PCDH15: variants seen among roughly 807,000 people sequenced by gnomAD.
PCDH15 encodes the protein protocadherin-15.
PCDH15 carries 129 observed loss-of-function variants against 178.5 expected under a neutral mutation model. The observed-to-expected ratio is 0.72, with a 90% CI of 0.63 to 0.84. The LOEUF is 0.84. Among genes scored for constraint, PCDH15 ranks in the 40% least tolerant of loss-of-function variants. The probability of loss-of-function intolerance (pLI) is 0.00; values close to 1 mark genes in which losing one functional copy is unlikely to be tolerated. For synonymous variants in PCDH15, 800 were observed against 732.0 expected (o/e 1.09, Z -1.50); for missense variants, 2,230 against 2,099.9 (o/e 1.06, Z -1.21).
At chr10:54,866,200 A>C in intron 3 of PCDH15, among the ~76,000 whole-genome samples, 1 of 152,350 alleles carries the variant, frequency 6.6e-6, no homozygotes, top group South Asian at 2.1e-4. Flanking sequence ...TTAGAACTTT[A>C]ATTCAAAGGA....
At chr10:54,822,101 A>T in intron 3 of PCDH15, among the ~76,000 whole-genome samples, 1 of 152,220 alleles carries the variant, frequency 6.6e-6, no homozygotes, top group Non-Finnish European at 1.5e-5. Flanking sequence ...AATGTGCAAC[A>T]ATCAATAAGG....
At chr10:55,296,629 A>G (rs927920965) in intron 1 of PCDH15, among the ~76,000 whole-genome samples, 1 of 152,210 alleles carries the variant, frequency 6.6e-6, no homozygotes, top group Non-Finnish European at 1.5e-5. Flanking sequence ...CTGAGGGCAG[A>G]GACTAAATCT....
At chr10:54,483,883 A>ATGATGT (rs2078904727) in intron 3 of PCDH15, among the ~76,000 whole-genome samples, 1 of 151,882 alleles carries the variant, frequency 6.6e-6, no homozygotes, top group South Asian at 2.1e-4. Flanking sequence ...AATAAGGGTG[A>ATGATGT]TGATGTTCAG....
intron 5 of PCDH15, among the ~76,000 whole-genome samples, chr10:54,347,846 A>ATTAT (rs374427938): frequency 6.5e-4 from 99 of 151,548 alleles, no homozygotes; most frequent in Non-Finnish European, 1.2e-3. Context: ...ACAGATTTTT[A>ATTAT]TTATTTATTT....
chr10:54,781,799 A>G (rs1327110821), intron 1 of PCDH15, among the ~76,000 whole-genome samples: 1 of 152,192 alleles, frequency 6.6e-6, no homozygotes, highest in Non-Finnish European at 1.5e-5. Flanking sequence ...TCTTCTGGAA[A>G]TAAAATGGTG....
At chr10:53,818,135 A>G (rs1449811943) in intron 33 of PCDH15, 122 bp from the exon 34 acceptor site, 1 of 392,370 alleles carries the variant, frequency 2.5e-6, no homozygotes, top group Non-Finnish European at 4.5e-6. Flanking sequence ...AATTTCTACT[A>G]AACACTATCT....
At chr10:54,498,542 A>G (rs2137338202) in intron 3 of PCDH15, among the ~76,000 whole-genome samples, 1 of 152,272 alleles carries the variant, frequency 6.6e-6, no homozygotes, top group South Asian at 2.1e-4. Flanking sequence ...CTTCAACAGA[A>G]CCATCTAACA....
chr10:55,598,874 T>G (rs1280210810), intron 2 of PCDH15, among the ~76,000 whole-genome samples: 1 of 152,026 alleles, frequency 6.6e-6, no homozygotes, highest in East Asian at 1.9e-4. Context: ...TAAACCAAAG[T>G]GTAGCTTAAC....
rs984259879 is a variant in PCDH15 at position 53,883,249 on chromosome 10, T to C, written c.3502-16392A>G. 1.9e-4 allele frequency among the ~76,000 whole-genome samples: 29 copies of C among 152,288 alleles called. 1 individual carries two copies. Among genetic ancestry groups the C allele is most frequent in the Admixed American group, 5.2e-4 (8 of 15,290 alleles). ...GTATTCTTCCAGCAAACTAGGATCA[T>C]GCCATCCTATAGCTTTGTAATCCAT... On this transcript the variant is annotated intron_variant, in intron 26 of 37. Transcript: ENST00000644397.
intron 37 of PCDH15, chr10:53,808,426 GTAAATAT>G (rs2075738544): frequency 9.4e-6 from 11 of 1,176,440 alleles, no homozygotes; most frequent in African/African-American, 1.6e-5. Context: ...AATCCTACCA[GTAAATAT>G]TAAATATTGA....
intron 2 of PCDH15, among the ~76,000 whole-genome samples, chr10:55,561,028 T>C (rs539230794): frequency 4.1e-4 from 62 of 151,976 alleles, no homozygotes; most frequent in African/African-American, 1.4e-3. Flanking sequence ...TTTAAGATAC[T>C]CTGGGAAGGT....
intron 2 of PCDH15, among the ~76,000 whole-genome samples, chr10:54,978,367 G>A (rs544283681): frequency 2.6e-5 from 4 of 152,176 alleles, no homozygotes; most frequent in African/African-American, 7.2e-5. Flanking sequence ...AATCGTGCAT[G>A]TTATACGACT....
intron 2 of PCDH15, among the ~76,000 whole-genome samples, chr10:55,546,652 C>G (rs1841888189): frequency 6.6e-6 from 1 of 152,106 alleles, no homozygotes; most frequent in African/African-American, 2.4e-5. Context: ...AGGATACCGG[C>G]AAGCTTCCTC....
At chr10:55,339,552 T>G (rs1238605994) in intron 2 of PCDH15, among the ~76,000 whole-genome samples, 1 of 152,194 alleles carries the variant, frequency 6.6e-6, no homozygotes. Flanking sequence ...GGTTTTTCTA[T>G]GCTGCATTGG....
intron 4 of PCDH15, among the ~76,000 whole-genome samples, chr10:54,375,877 C>T (rs570176727): frequency 2.5e-4 from 26 of 105,044 alleles, no homozygotes; most frequent in East Asian, 6.0e-4. Flanking sequence ...ATTTTTGAAA[C>T]GGAATATATA....
At chr10:54,064,855 C>T (rs546613130) in intron 18 of PCDH15, among the ~76,000 whole-genome samples, 1 of 152,314 alleles carries the variant, frequency 6.6e-6, no homozygotes, top group South Asian at 2.1e-4. Context: ...ACAGAGATGC[C>T]TAGGTCTGCA....
At chr10:54,676,603 CTCT>C (rs956052644) in intron 1 of PCDH15, among the ~76,000 whole-genome samples, 1 of 152,122 alleles carries the variant, frequency 6.6e-6, no homozygotes, top group African/African-American at 2.4e-5. Context: ...TTTATTAACA[CTCT>C]TGTCTAATTA....
At chr10:54,380,039 A>C (rs1948992109) in intron 3 of PCDH15, among the ~76,000 whole-genome samples, 1 of 152,128 alleles carries the variant, frequency 6.6e-6, no homozygotes, top group Non-Finnish European at 1.5e-5. Context: ...CATAATTACA[A>C]GAAAAGTGGA....
At chr10:54,106,498 A>G (rs907918828) in intron 15 of PCDH15, among the ~76,000 whole-genome samples, 1 of 152,234 alleles carries the variant, frequency 6.6e-6, no homozygotes, top group Non-Finnish European at 1.5e-5. Context: ...AAATGTTAAC[A>G]TAGGTGGATC....
Sources: gnomAD v4.1 joint callset for allele counts (sites outside exome capture counted in the v4.1 genomes callset) on GRCh38, gnomAD v4.1.1 for gene constraint, MANE v1.5 for transcripts, NCBI Gene and HGNC (gene_info 2026-07-23, HGNC 2026-07-21) for gene names.